The following TMEM232 variants were observed in gnomAD, a reference collection of about 807,000 sequenced individuals.
The protein encoded by TMEM232 is transmembrane protein 232.
A neutral mutation model predicts 78.8 loss-of-function variants in TMEM232; 80 were observed. The observed-to-expected ratio is 1.01, with a 90% CI of 0.85 to 1.22. The LOEUF (loss-of-function observed/expected upper bound fraction) is 1.22. Among genes scored for constraint, TMEM232 ranks in the 50% most tolerant of loss-of-function variants. The pLI, the probability that TMEM232 is intolerant of heterozygous loss-of-function variation, is 0.00. For synonymous variants in TMEM232, 297 were observed against 254.3 expected, an observed-to-expected ratio of 1.17 and a Z score of -1.60; for missense variants, 881 against 742.2, an observed-to-expected ratio of 1.19 and a Z score of -2.17.
At chr5:110,523,388 G>A (rs1232485611) in intron 12 of TMEM232, among the ~76,000 whole-genome samples, 1 of 151,588 alleles carries the variant, frequency 6.6e-6, no homozygotes, top group African/African-American at 2.4e-5. Context: ...CTTTATTTCT[G>A]CTCTAATCTT....
At chr5:110,738,737 C>A, upstream of TMEM232, 1 of 264,328 alleles carries the variant, frequency 3.8e-6, no homozygotes, top group Non-Finnish European at 7.2e-6. Flanking sequence ...AGGCTCCACC[C>A]GCGGGTTATC....
chr5:110,531,484 C>A (rs1333944946), intron 11 of TMEM232, among the ~76,000 whole-genome samples: 1 of 152,182 alleles, frequency 6.6e-6, no homozygotes, highest in African/African-American at 2.4e-5. Flanking sequence ...GGTAAGTGGC[C>A]TCTTTTTACT....
At chr5:110,470,233 C>G (rs968527815) in intron 12 of TMEM232, among the ~76,000 whole-genome samples, 2 of 152,176 alleles carry the variant, frequency 1.3e-5, no homozygotes, top group African/African-American at 4.8e-5. Context: ...CGGGCCTGTG[C>G]TGTGCCCTGC....
chr5:110,416,402 G>T (rs892432390), downstream of TMEM232, among the ~76,000 whole-genome samples: 2 of 152,170 alleles, frequency 1.3e-5, no homozygotes, highest in East Asian at 3.8e-4. Flanking sequence ...ACAAATAGGG[G>T]TGTTCTTATT....
chr5:110,391,745 G>A (rs6594451), intron 3 of TMEM232, among the ~76,000 whole-genome samples: 42,358 of 152,074 alleles, frequency 0.28, 10,495 homozygotes, highest in African/African-American at 0.66. Context: ...GAGGAAGAAC[G>A]TGTCTTGACC....
intron 12 of TMEM232, among the ~76,000 whole-genome samples, chr5:110,500,741 A>G (rs1766177931): frequency 1.3e-5 from 2 of 152,278 alleles, no homozygotes; most frequent in South Asian, 4.1e-4. Flanking sequence ...CACAATAAAT[A>G]TTTTCAAGGT....
chr5:110,517,002 C>G (rs1768768423), intron 12 of TMEM232, among the ~76,000 whole-genome samples: 1 of 152,204 alleles, frequency 6.6e-6, no homozygotes, highest in Middle Eastern at 3.2e-3. Context: ...TTCCTGTTCT[C>G]TGCCCTTTTA....
Position 110,389,412 on chromosome 5 carries a change from C to G in TMEM232, n.615+1004G>C, listed in dbSNP as rs956474835. Among the ~76,000 whole-genome samples the G allele has an allele frequency of 7.2e-5, 11 of 152,282 alleles. 1 individual carries two copies. In the East Asian group the frequency reaches 7.7e-4, roughly 11 times the overall value. On this transcript the variant is annotated intron_variant and non_coding_transcript_variant, in intron 4 of 8. Coordinates refer to the TMEM232 transcript ENST00000507188. ...TTGGGGTTGCATACTTTTCCTAACA[C>G]TGGCAAAAACCAAATTAATGCGTGG...
At chr5:110,503,130 C>A (rs185713329) in intron 12 of TMEM232, among the ~76,000 whole-genome samples, 4 of 152,244 alleles carry the variant, frequency 2.6e-5, no homozygotes, top group Admixed American at 1.3e-4. Context: ...TTACTATGAT[C>A]CCAAAGCTTA....
At chr5:110,694,214 A>G (rs1290941560) in intron 1 of TMEM232, among the ~76,000 whole-genome samples, 2 of 152,202 alleles carry the variant, frequency 1.3e-5, no homozygotes, top group African/African-American at 4.8e-5. Flanking sequence ...AAGTTTCATA[A>G]GTGAAGGAGA....
intron 11 of TMEM232, among the ~76,000 whole-genome samples, chr5:110,549,714 G>T (rs1389278227): frequency 1.3e-5 from 2 of 151,562 alleles, no homozygotes; most frequent in Admixed American, 1.3e-4. Flanking sequence ...ATTAGCCAGT[G>T]GATATCACAC....
intron 12 of TMEM232, among the ~76,000 whole-genome samples, chr5:110,496,289 A>T (rs1285064665): frequency 2.0e-5 from 3 of 152,030 alleles, no homozygotes; most frequent in African/African-American, 7.2e-5. Context: ...ATTTCATAAA[A>T]ACAAGTGTTA....
At chr5:110,490,028 G>C (rs190252327) in intron 12 of TMEM232, among the ~76,000 whole-genome samples, 1 of 151,828 alleles carries the variant, frequency 6.6e-6, no homozygotes, top group South Asian at 2.1e-4. Context: ...GGAGGCTGAG[G>C]CAGGAGAATT....
At chr5:110,456,863 G>C (rs1473854932) in intron 12 of TMEM232, among the ~76,000 whole-genome samples, 1 of 151,982 alleles carries the variant, frequency 6.6e-6, no homozygotes, top group African/African-American at 2.4e-5. Flanking sequence ...CCTTCCATGA[G>C]ATTAAAAAAG....
intron 8 of TMEM232, among the ~76,000 whole-genome samples, chr5:110,615,468 C>T (rs1381068583): frequency 1.3e-5 from 2 of 151,844 alleles, no homozygotes; most frequent in Admixed American, 1.3e-4. Flanking sequence ...TGATCAGTTT[C>T]CTCAGAAATA....
chr5:110,502,151 T>C (rs1266115755), intron 12 of TMEM232, among the ~76,000 whole-genome samples: 1 of 152,196 alleles, frequency 6.6e-6, no homozygotes, highest in Non-Finnish European at 1.5e-5. Context: ...TTTAGGAATG[T>C]TGTAATTTAA....
At chr5:110,730,321 T>A (rs1279249617), upstream of TMEM232, among the ~76,000 whole-genome samples, 3 of 152,252 alleles carry the variant, frequency 2.0e-5, no homozygotes, top group Admixed American at 1.3e-4. Flanking sequence ...AAAAAATATT[T>A]ATCAGTTTGA....
At chr5:110,720,355 C>T (rs76624014) in intron 1 of TMEM232, among the ~76,000 whole-genome samples, 1 of 152,066 alleles carries the variant, frequency 6.6e-6, no homozygotes, top group Non-Finnish European at 1.5e-5. Flanking sequence ...AAGGGAGCCC[C>T]CAGCCTCTCA....
intron 5 of TMEM232, chr5:110,628,799 G>T (rs1318117869): frequency 6.6e-6 from 1 of 151,794 alleles, no homozygotes; most frequent in East Asian, 1.9e-4. Flanking sequence ...AAATCTCAGT[G>T]CATCATCCAA....
Sources: allele counts gnomAD v4.1 joint callset (sites outside exome capture counted in the v4.1 genomes callset), GRCh38; gene constraint gnomAD v4.1.1; transcripts MANE v1.5; gene names NCBI Gene and HGNC (gene_info 2026-07-23, HGNC 2026-07-21).